Variants in RASL10A observed in about 807,000 individuals in gnomAD.
The protein encoded by RASL10A is ras-like protein family member 10A.
RASL10A carries 13 observed loss-of-function variants against 17.3 expected under a neutral mutation model. The observed-to-expected ratio is 0.75, with a 90% CI of 0.49 to 1.20. The LOEUF (loss-of-function observed/expected upper bound fraction) is 1.20, where lower values mean the gene tolerates loss of function less well. Ranked by LOEUF, RASL10A falls within the 50% of genes most tolerant of loss-of-function variation. RASL10A has a pLI of 0.00. For synonymous variants in RASL10A, 159 were observed against 142.2 expected (o/e 1.12, Z -0.84); for missense variants, 307 against 310.3 (o/e 0.99, Z 0.08).
Position 29,313,129 on chromosome 22 carries a change from G to T in RASL10A, c.*172C>A. On this transcript the variant is annotated 3_prime_UTR_variant, in exon 3 of 3. Transcript: ENST00000216101. The stretch of plus-strand genomic sequence containing the variant: ...AGCTTGGGACCTGGTTGGGTCCAAT[G>T]AGGTTCAAAAGGGGGCCAGTCGCTT... 1 of 885,364 alleles carries T rather than the reference G, an allele frequency of 1.1e-6. No homozygotes were observed. The allele number at this position is 885,364 out of a possible 1,614,324, so 54.8% of individuals were successfully genotyped here.
upstream of RASL10A, chr22:29,317,243 G>A (rs2061458610): frequency 6.6e-6 from 1 of 152,170 alleles, no homozygotes; most frequent in Non-Finnish European, 1.5e-5. Context: ...AGACTTCTGG[G>A]TTTTGTTGTT....
upstream of RASL10A, among the ~76,000 whole-genome samples, chr22:29,316,257 G>T (rs559311832): frequency 2.0e-5 from 3 of 152,314 alleles, no homozygotes; most frequent in East Asian, 1.9e-4. Context: ...GGGGGCCCTT[G>T]AAGTCTCCTT....
chr22:29,319,171 C>G (rs970681767), upstream of RASL10A: 3 of 152,368 alleles, frequency 2.0e-5, no homozygotes, highest in Non-Finnish European at 4.4e-5. Context: ...CCAGCCCATC[C>G]CTGAAGTCAG....
In RASL10A at chr22:29,313,567, G is replaced by T; in HGVS notation, c.346C>A (p.Pro116Thr). Reference protein sequence around the residue: ...ALRQRIAETRPAGAPEAPILV... With the variant: ...ALRQRIAETRTAGAPEAPILV... ...ATGGGCGCTTCGGGCGCGCCCGCCG[G>T]CCTGGGGGCCGAATGGAGATGAGAG... The change falls in exon 3 of 3, where the codon CCG becomes ACG. Residue 116 changes from proline (P) to threonine (T), a missense_variant and splice_region_variant. Physicochemically the swap from Pro to Thr is conservative, Grantham distance 38. Coordinates refer to ENST00000216101, the MANE Select transcript of RASL10A (RefSeq NM_006477.5). The T allele has an allele frequency of 6.5e-7, 1 of 1,532,646 alleles. No individual in the cohort carries two copies. The highest frequency in any genetic ancestry group is 1.2e-5 in the South Asian group (1 of 80,530). 94.9% of individuals were successfully genotyped at this position (1,532,646 alleles called of 1,614,324 possible). A position where few individuals can be genotyped will look rare whatever the true frequency, so the allele number is the denominator to read the frequency against.
At position 29,313,153 on chromosome 22, in the gene RASL10A, T is replaced by G; in HGVS notation, c.*148A>C. The G allele has an allele frequency of 9.0e-7, 1 of 1,115,652 alleles. No individual in the cohort carries two copies. Among genetic ancestry groups the G allele is most frequent in the Non-Finnish European group, 1.2e-6 (1 of 835,038 alleles). The allele number at this position is 1,115,652 out of a possible 1,614,324, so 69.1% of individuals were successfully genotyped here. On this transcript the variant is annotated 3_prime_UTR_variant, in exon 3 of 3. Transcript: ENST00000216101. The stretch of plus-strand genomic sequence containing the variant: ...TGAGGTTCAAAAGGGGGCCAGTCGC[T>G]TAGGAGACTGGGTTGGAGCTTTCCT...
In RASL10A at chr22:29,313,674, G is replaced by GCC. The variant is rs695646; in HGVS notation, c.345-108_345-107dup. The GCC allele has an allele frequency of 4.1e-4, 567 of 1,388,042 alleles. 1 individual carries two copies. The highest frequency in any genetic ancestry group is 4.3e-4 in the Non-Finnish European group (449 of 1,053,318). 86.0% of individuals were successfully genotyped at this position (1,388,042 alleles called of 1,614,324 possible). On this transcript the variant is annotated intron_variant, in intron 2 of 2. Transcript: ENST00000216101. ...TTCCCTTCCTACGGCCAGAGACACC[G>GCC]CCCCCCCCGCCGCCCCAACGAAACC... is the stretch of plus-strand genomic sequence containing the variant.
At chr22:29,314,487 C>T (rs1021268665) in intron 1 of RASL10A, among the ~76,000 whole-genome samples, 1 of 152,222 alleles carries the variant, frequency 6.6e-6, no homozygotes, top group African/African-American at 2.4e-5. Flanking sequence ...ATGCCACTCC[C>T]TCCAGGAAGC....
In RASL10A at chr22:29,315,281, G is replaced by C. The variant is rs2061446911; in HGVS notation, c.-35C>G. The C allele has an allele frequency of 7.1e-7, 1 of 1,399,292 alleles. No individual in the cohort carries two copies. The highest frequency in any genetic ancestry group is 1.5e-5 in the South Asian group (1 of 65,932). 86.7% of individuals were successfully genotyped at this position (1,399,292 alleles called of 1,614,324 possible). A position where few individuals can be genotyped will look rare whatever the true frequency, so the allele number is the denominator to read the frequency against. On this transcript the variant is annotated 5_prime_UTR_variant, in exon 1 of 3. Transcript: ENST00000216101. The surrounding 1 kb of genome is among the most constrained non-coding windows in gnomAD (Gnocchi z 5.5). ...GCGCTGTCGCTCCCCGCGCTGGAAA[G>C]CCTCATGGGCCGGCGCCGCACCGTG... is the stretch of plus-strand genomic sequence containing the variant.
chr22:29,312,965 A>C lies in RASL10A; in HGVS notation c.*336T>G. 3.0e-6 allele frequency: 1 copy of C among 337,006 alleles called. No individual in the cohort carries two copies. The highest frequency in any genetic ancestry group is 5.3e-6 in the Non-Finnish European group (1 of 187,330). 20.9% of individuals were successfully genotyped at this position (337,006 alleles called of 1,614,324 possible). ...ATTTTCCCTTTTATTATCCCGTGGT[A>C]GGTGTGGCATAAAGAATATGTCCAG... On this transcript the variant is annotated 3_prime_UTR_variant, in exon 3 of 3. Coordinates refer to ENST00000216101, the MANE Select transcript of RASL10A (RefSeq NM_006477.5).
intron 1 of RASL10A, 111 bp downstream of exon 1, chr22:29,314,917 T>C: frequency 2.3e-6 from 2 of 872,320 alleles, no homozygotes; most frequent in South Asian, 2.0e-5. Context: ...CATCCCTCCA[T>C]CCCGGAGCAC....
rs1602659841 is a variant in RASL10A at position 29,313,199 on chromosome 22, T to C, written c.*102A>G. Reference sequence around the variant, plus strand: ...TTCCTCATCCAATCAGGGCGGAGACTTCCCTGTCCAGTCCCAGTGAAGTTG... The same window carrying C: ...TTCCTCATCCAATCAGGGCGGAGACCTCCCTGTCCAGTCCCAGTGAAGTTG... On this transcript the variant is annotated 3_prime_UTR_variant, in exon 3 of 3. Transcript: ENST00000216101. 4.4e-6 allele frequency: 6 copies of C among 1,369,386 alleles called. No homozygotes were observed. In the East Asian group the frequency reaches 1.6e-4, roughly 37 times the overall value. 84.8% of individuals were successfully genotyped at this position (1,369,386 alleles called of 1,614,324 possible). A position where few individuals can be genotyped will look rare whatever the true frequency, so the allele number is the denominator to read the frequency against.
Position 29,313,164 on chromosome 22 carries a change from G to T in RASL10A, c.*137C>A, listed in dbSNP as rs1794700409. ...AGGGGGCCAGTCGCTTAGGAGACTGGGTTGGAGCTTTCCTCATCCAATCAG... is the reference window on the plus strand; with the variant it reads ...AGGGGGCCAGTCGCTTAGGAGACTGTGTTGGAGCTTTCCTCATCCAATCAG... On this transcript the variant is annotated 3_prime_UTR_variant, in exon 3 of 3. Transcript: ENST00000216101. 2 of 1,207,956 alleles carry T rather than the reference G, an allele frequency of 1.7e-6. No individual in the cohort carries two copies. The highest frequency in any genetic ancestry group is 3.7e-5 in the South Asian group (2 of 54,226). 74.8% of individuals were successfully genotyped at this position (1,207,956 alleles called of 1,614,324 possible).
Position 29,315,009 on chromosome 22 carries a change from C to T in RASL10A, c.219+19G>A, listed in dbSNP as rs1386248865. 64 of 1,482,522 alleles carry T rather than the reference C, an allele frequency of 4.3e-5. No homozygotes were observed. Among genetic ancestry groups the T allele is most frequent in the Non-Finnish European group, 5.5e-5 (62 of 1,120,930 alleles). The allele number at this position is 1,482,522 out of a possible 1,614,324, so 91.8% of individuals were successfully genotyped here. On this transcript the variant is annotated intron_variant, in intron 1 of 2. Transcript: ENST00000216101. This position sits in a 1 kb window ranked among gnomAD's most constrained non-coding sequence, Gnocchi z 5.5. Reference sequence around the variant, plus strand: ...CCCTCACACTGTCACACGCCCCTGCCCGCTCCTCGAGCCGCTACCTCCGGA... The same window carrying T: ...CCCTCACACTGTCACACGCCCCTGCTCGCTCCTCGAGCCGCTACCTCCGGA...
intron 1 of RASL10A, 114 bp downstream of exon 1, chr22:29,314,914 C>G (rs977456306): frequency 4.8e-6 from 4 of 835,688 alleles, no homozygotes; most frequent in African/African-American, 1.8e-5. Context: ...ACACATCCCT[C>G]CATCCCGGAG....
upstream of RASL10A, among the ~76,000 whole-genome samples, chr22:29,317,485 C>T (rs1365441494): frequency 2.0e-5 from 3 of 152,170 alleles, no homozygotes; most frequent in Non-Finnish European, 4.4e-5. Context: ...GCAATCCTCC[C>T]TCCTCAGCCT....
At position 29,313,865 on chromosome 22, in the gene RASL10A, G is replaced by A. The variant is rs746892870; in HGVS notation, c.342C>T (p.Thr114=). Residue 114 remains threonine (T), a splice_region_variant and synonymous_variant, in exon 2 of 3, where the codon ACC becomes ACT. Coordinates refer to ENST00000216101, the MANE Select transcript of RASL10A (RefSeq NM_006477.5). ...VKALRQRIAE[T]RPAGAPEAPI... ...CGCCAGAACTGCCGGGCCCCTACCT[G>A]GTCTCCGCGATGCGCTGCCGCAGGG... is the stretch of plus-strand genomic sequence containing the variant. The A allele has an allele frequency of 1.2e-6, 2 of 1,613,190 alleles. No individual in the cohort carries two copies. The highest frequency in any genetic ancestry group is 3.3e-5 in the Admixed American group (2 of 60,004).
At chr22:29,314,795 T>C (rs1334366909) in intron 1 of RASL10A, among the ~76,000 whole-genome samples, 2 of 151,226 alleles carry the variant, frequency 1.3e-5, no homozygotes, top group Admixed American at 6.6e-5. Context: ...GTGGAGGCGC[T>C]CACAGGAGCA....
At chr22:29,314,041 C>G in intron 1 of RASL10A, 54 bp from the exon 2 acceptor site, 2 of 1,602,232 alleles carry the variant, frequency 1.2e-6, no homozygotes, top group South Asian at 2.2e-5. Context: ...CTTCCGCTCT[C>G]GAACCCTCTG....
rs1271161793 is a variant in RASL10A at position 29,313,875 on chromosome 22, A to T, written c.332T>A (p.Ile111Asn). The change falls in exon 2 of 3, where the codon ATC becomes AAC. Residue 111 changes from isoleucine (I) to asparagine (N), a missense_variant. By Grantham distance (149) the Ile-to-Asn change is moderately radical. Transcript: ENST00000216101. The stretch of plus-strand genomic sequence containing the variant: ...GCCGGGCCCCTACCTGGTCTCCGCG[A>T]TGCGCTGCCGCAGGGCCTTCACGTA... Reference protein sequence around the residue: ...FDYVKALRQRIAETRPAGAPE... With the variant: ...FDYVKALRQRNAETRPAGAPE... The T allele has an allele frequency of 6.2e-7, 1 of 1,613,494 alleles. No individual in the cohort carries two copies. The highest frequency in any genetic ancestry group is 8.5e-7 in the Non-Finnish European group (1 of 1,180,018).
Sources: allele counts gnomAD v4.1 joint callset (sites outside exome capture counted in the v4.1 genomes callset), GRCh38; gene constraint gnomAD v4.1.1; non-coding constraint Gnocchi (gnomAD v3.1); transcripts MANE v1.5; gene names NCBI Gene and HGNC (gene_info 2026-07-23, HGNC 2026-07-21).